Variants in HPD observed in about 807,000 individuals in gnomAD.
HPD encodes 4-hydroxyphenylpyruvate dioxygenase, also known as 4-hydroxyphenylpyruvic acid oxidase.
In HPD, 35 loss-of-function variants were observed where a neutral mutation model predicts 56.9. That is an observed-to-expected ratio of 0.62 (90% CI 0.47 to 0.82). The LOEUF (loss-of-function observed/expected upper bound fraction) is 0.82. Among genes scored for constraint, HPD ranks in the 40% least tolerant of loss-of-function variants. The pLI, the probability that HPD is intolerant of heterozygous loss-of-function variation, is 0.00. For missense variants in HPD, 442 were observed against 506.8 expected (o/e 0.87, Z 1.23); for synonymous variants, 186 against 200.2 (o/e 0.93, Z 0.60).
At chr12:121,849,160 G>A in intron 8 of HPD, 84 bp from the exon 9 acceptor site, 1 of 816,830 alleles carries the variant, frequency 1.2e-6, no homozygotes, top group South Asian at 1.4e-5. Context: ...AATAATAATA[G>A]CTCACACTTC....
At chr12:121,852,924 G>A (rs1392031694) in intron 7 of HPD, among the ~76,000 whole-genome samples, 7 of 152,052 alleles carry the variant, frequency 4.6e-5, no homozygotes, top group African/African-American at 1.4e-4. Context: ...GAGCCACTGC[G>A]CCCAGTTCTC....
chr12:121,883,682 C>CTTTTTTTTTT, the HPD span, among the ~76,000 whole-genome samples: 1 of 138,754 alleles, frequency 7.2e-6, no homozygotes. Context: ...TTCCTTCTTT[C>CTTTTTTTTTT]TTTTTTTTTT....
At position 121,857,408 on chromosome 12, in the gene HPD, T is replaced by C; in HGVS notation, c.118A>G (p.Met40Val). The C allele has an allele frequency of 6.2e-7, 1 of 1,613,820 alleles. No individual in the cohort carries two copies. The highest frequency in any genetic ancestry group is 1.3e-5 in the African/African-American group (1 of 75,034). Reference sequence around the variant, plus strand: ...CTGTAGGCTAGAGGTTCAAAGCCCATCTTGCTGCAGTAGAATGACGTGGCC... The same window carrying C: ...CTGTAGGCTAGAGGTTCAAAGCCCACCTTGCTGCAGTAGAATGACGTGGCC... ...KQATSFYCSK[M>V]GFEPLAYRGL... Residue 40 changes from methionine to valine, a missense_variant, in exon 4 of 14, where the codon ATG (methionine) becomes GTG (valine). Transcript: ENST00000289004.
At chr12:121,874,184 T>G in the HPD span, 1 of 152,152 alleles carries the variant, frequency 6.6e-6, no homozygotes, top group African/African-American at 2.4e-5. Flanking sequence ...TTTTCTCCTC[T>G]CATTTTGCAG....
At chr12:121,858,024 C>T (rs185113018) in intron 2 of HPD, among the ~76,000 whole-genome samples, 1 of 150,516 alleles carries the variant, frequency 6.6e-6, no homozygotes, top group African/African-American at 2.4e-5. Flanking sequence ...ATGGGGAAAC[C>T]CCCTCAGGAG....
Position 121,840,062 on chromosome 12 carries a change from AG to A in HPD, c.955-15del. 2 of 1,557,908 alleles carry A rather than the reference AG, an allele frequency of 1.3e-6. No individual in the cohort carries two copies. Among genetic ancestry groups the A allele is most frequent in the Non-Finnish European group, 8.9e-7 (1 of 1,129,022 alleles). Reference sequence around the variant, plus strand: ...GATTTTCAGCTCCTAGGCGGGAGACAGGGGGCTCTGCTAGGGGAGGCTGGCA... The same window carrying A: ...GATTTTCAGCTCCTAGGCGGGAGACAGGGGCTCTGCTAGGGGAGGCTGGCA... On this transcript the variant is annotated splice_polypyrimidine_tract_variant and intron_variant, in intron 12 of 13. Coordinates refer to ENST00000289004, the MANE Select transcript of HPD (RefSeq NM_002150.3).
At chr12:121,863,701 G>C (rs887393091), upstream of HPD, 1 of 151,898 alleles carries the variant, frequency 6.6e-6, no homozygotes, top group Non-Finnish European at 1.5e-5. Flanking sequence ...GATCCCTTGA[G>C]CCCAGGAGTT....
chr12:121,884,982 A>G, the HPD span, among the ~76,000 whole-genome samples: 1 of 151,948 alleles, frequency 6.6e-6, no homozygotes, highest in Admixed American at 6.6e-5. Flanking sequence ...TCCACCTCCC[A>G]GGTTCAAGCG....
intron 12 of HPD, among the ~76,000 whole-genome samples, chr12:121,842,741 C>CTTTTTTTTTTTTTTTTT: frequency 1.3e-5 from 1 of 76,246 alleles, no homozygotes. Flanking sequence ...TAAAATGGAT[C>CTTTTTTTTTTTTTTTTT]TTTTTTTTTT....
the HPD span, among the ~76,000 whole-genome samples, chr12:121,878,374 A>G: frequency 6.6e-6 from 1 of 152,130 alleles, no homozygotes; most frequent in African/African-American, 2.4e-5. Flanking sequence ...TTATTGAGAT[A>G]GTCTCACTCT....
chr12:121,846,944 G>A lies in HPD; in HGVS notation c.760-11C>T. On this transcript the variant is annotated splice_polypyrimidine_tract_variant and intron_variant, in intron 10 of 13. Coordinates refer to ENST00000289004, the MANE Select transcript of HPD (RefSeq NM_002150.3). ...ATAGTCCACATATTCCTGGGGGAGG[G>A]AAACAAGGAGACCACTGTCATTTGC... The A allele has an allele frequency of 1.2e-6, 2 of 1,613,950 alleles. No individual in the cohort carries two copies. Among genetic ancestry groups the A allele is most frequent in the South Asian group, 2.2e-5 (2 of 91,078 alleles).
upstream of HPD, among the ~76,000 whole-genome samples, chr12:121,868,412 C>T (rs1342756314): frequency 2.6e-5 from 4 of 151,452 alleles, no homozygotes; most frequent in Non-Finnish European, 2.9e-5. Context: ...GGCGCGATCT[C>T]GGCTCACTGG....
chr12:121,874,940 T>C, the HPD span, among the ~76,000 whole-genome samples: 1 of 152,004 alleles, frequency 6.6e-6, no homozygotes, highest in Non-Finnish European at 1.5e-5. Flanking sequence ...TTTGTGTTTT[T>C]AGTAGAGAGG....
intron 7 of HPD, 121 bp from the exon 8 acceptor site, chr12:121,849,911 G>A (rs537007835): frequency 1.4e-5 from 10 of 703,502 alleles, no homozygotes; most frequent in South Asian, 7.4e-5. Context: ...AACCAGATGC[G>A]TGATCTTGGG....
chr12:121,849,684 C>A lies in HPD; in HGVS notation c.518+3G>T. On this transcript the variant is annotated splice_donor_region_variant and intron_variant, in intron 8 of 13. Transcript: ENST00000289004. The stretch of plus-strand genomic sequence containing the variant: ...ACCCACCTCTGCCCTGAGGGACACT[C>A]ACAGTTTAGGAAGTAGGGGGTCCAT... 6.2e-7 allele frequency: 1 copy of A among 1,602,574 alleles called. No homozygotes were observed. Among genetic ancestry groups the A allele is most frequent in the Non-Finnish European group, 8.6e-7 (1 of 1,169,428 alleles).
At chr12:121,857,076 T>C (rs1403944853) in intron 4 of HPD, 1 of 521,464 alleles carries the variant, frequency 1.9e-6, no homozygotes, top group Non-Finnish European at 3.5e-6. Context: ...GGGTTTTTTG[T>C]TGTTTTTTGT....
chr12:121,867,223 G>A (rs531129522), upstream of HPD, among the ~76,000 whole-genome samples: 2 of 151,912 alleles, frequency 1.3e-5, no homozygotes, highest in Non-Finnish European at 2.9e-5. Context: ...ATGGTGGCAC[G>A]CATCTGTAGT....
chr12:121,866,950 C>A (rs898042597), upstream of HPD, among the ~76,000 whole-genome samples: 1 of 152,136 alleles, frequency 6.6e-6, no homozygotes, highest in Non-Finnish European at 1.5e-5. Flanking sequence ...CAACCCCTGG[C>A]AACCACTGAT....
At chr12:121,860,848 G>A (rs1472500189), upstream of HPD, among the ~76,000 whole-genome samples, 4 of 152,076 alleles carry the variant, frequency 2.6e-5, no homozygotes, top group African/African-American at 9.7e-5. Context: ...AAAGGTTGCA[G>A]TGAGCTATGA....
Sources: allele counts gnomAD v4.1 joint callset (sites outside exome capture counted in the v4.1 genomes callset), GRCh38; gene constraint gnomAD v4.1.1; transcripts MANE v1.5; gene names NCBI Gene and HGNC (gene_info 2026-07-23, HGNC 2026-07-21).